Variants in TMEM135 observed in about 807,000 individuals in gnomAD.
TMEM135 encodes transmembrane protein 135.
A neutral mutation model predicts 60.3 loss-of-function variants in TMEM135; 30 were observed. The ratio of observed to expected loss-of-function variants is 0.50; its 90% CI spans 0.37 to 0.68. The LOEUF (loss-of-function observed/expected upper bound fraction) is 0.68, where lower values mean the gene tolerates loss of function less well. TMEM135 is among the 30% of genes least tolerant of loss of function. The pLI is 0.00. For synonymous variants in TMEM135, 190 were observed against 186.7 expected, an observed-to-expected ratio of 1.02 and a Z score of -0.14; for missense variants, 468 against 548.8, an observed-to-expected ratio of 0.85 and a Z score of 1.47.
At chr11:87,133,520 C>G (rs1937997266) in intron 4 of TMEM135, among the ~76,000 whole-genome samples, 1 of 152,004 alleles carries the variant, frequency 6.6e-6, no homozygotes, top group Non-Finnish European at 1.5e-5. Flanking sequence ...ACTCTTGATC[C>G]CTCTTTACAA....
chr11:87,302,380 A>C lies in TMEM135; in HGVS notation c.636A>C (p.Gln212His). 1 of 1,613,960 alleles carries C rather than the reference A, an allele frequency of 6.2e-7. No homozygotes were observed. The highest frequency in any genetic ancestry group is 8.5e-7 in the Non-Finnish European group (1 of 1,179,930). The change falls in exon 8 of 15, where the codon CAA (glutamine) becomes CAC (histidine). Residue 212 changes from glutamine (Q) to histidine (H), a missense_variant. Gln to His is a conservative substitution (Grantham distance 24). Coordinates refer to ENST00000305494, the MANE Select transcript of TMEM135 (RefSeq NM_022918.4). ...AYAKVEQKRE[Q>H]HEEKPGRMNM... Reference sequence around the variant, plus strand: ...CAAAAGTGGAACAAAAGAGAGAGCAACATGAGGAAAAACCCGGAAGAATGA... The same window carrying C: ...CAAAAGTGGAACAAAAGAGAGAGCACCATGAGGAAAAACCCGGAAGAATGA...
At chr11:87,063,550 C>A (rs1307130663) in intron 1 of TMEM135, among the ~76,000 whole-genome samples, 1 of 152,136 alleles carries the variant, frequency 6.6e-6, no homozygotes, top group Admixed American at 6.6e-5. Context: ...GCTTCCTAAC[C>A]TTTTTCATGC....
rs59945346 is a variant in TMEM135 at position 87,269,065 on chromosome 11, G to GTT, written c.510-26706_510-26705dup. Among the ~76,000 whole-genome samples, 42 of 145,232 alleles carry GTT rather than the reference G, an allele frequency of 2.9e-4. 1 individual carries two copies. In the South Asian group the frequency reaches 3.9e-3, roughly 13 times the overall value. ...TCAAAATCGCTTTTAAAAATGGCTA[G>GTT]TTTTTTTTTTTTGAAATACGCAATG... On this transcript the variant is annotated intron_variant, in intron 6 of 14. Coordinates refer to ENST00000305494, the MANE Select transcript of TMEM135 (RefSeq NM_022918.4).
chr11:87,180,341 G>A (rs1939484537), intron 5 of TMEM135, among the ~76,000 whole-genome samples: 1 of 152,118 alleles, frequency 6.6e-6, no homozygotes, highest in African/African-American at 2.4e-5. Flanking sequence ...ATATCTGTTA[G>A]TTTTTGCTTT....
At chr11:87,269,412 G>C (rs1351246668) in intron 6 of TMEM135, among the ~76,000 whole-genome samples, 1 of 148,052 alleles carries the variant, frequency 6.8e-6, no homozygotes, top group African/African-American at 2.5e-5. Context: ...AGTTACATAT[G>C]TATACATGTG....
At chr11:87,060,655 T>TG (rs1434509462) in intron 1 of TMEM135, among the ~76,000 whole-genome samples, 7 of 151,704 alleles carry the variant, frequency 4.6e-5, no homozygotes, top group Admixed American at 4.6e-4. Context: ...TCCTTTTTTT[T>TG]TTTTTGAGAC....
rs766068641 is a variant in TMEM135 at position 87,326,612 on chromosome 11, A to G, written c.*5279A>G. ...TTTTAAGCCTTATCTCTTTTCTCCT[A>G]TTCTTTTCTTTACCTTTCCTGGCCC... is the stretch of plus-strand genomic sequence containing the variant. On this transcript the variant is annotated 3_prime_UTR_variant, in exon 15 of 15. Coordinates refer to ENST00000305494, the MANE Select transcript of TMEM135 (RefSeq NM_022918.4). 37 of 453,938 alleles carry G rather than the reference A, an allele frequency of 8.2e-5. No homozygotes were observed. Among genetic ancestry groups the G allele is most frequent in the African/African-American group, 3.4e-4 (17 of 49,998 alleles). 28.1% of individuals were successfully genotyped at this position (453,938 alleles called of 1,614,324 possible). A position where few individuals can be genotyped will look rare whatever the true frequency, so the allele number is the denominator to read the frequency against.
At chr11:87,141,629 T>A (rs1206295262) in intron 4 of TMEM135, among the ~76,000 whole-genome samples, 1 of 152,152 alleles carries the variant, frequency 6.6e-6, no homozygotes, top group East Asian at 1.9e-4. Context: ...ATAGAAGTGG[T>A]GAGAGTGGCC....
chr11:87,137,504 A>G (rs1420068152), intron 4 of TMEM135, among the ~76,000 whole-genome samples: 1 of 152,174 alleles, frequency 6.6e-6, no homozygotes, highest in East Asian at 1.9e-4. Flanking sequence ...TCAAATTTAG[A>G]TATAATTCTT....
Position 87,172,938 on chromosome 11 carries a change from G to T in TMEM135, c.462+15532G>T, listed in dbSNP as rs143887988. ...ATGCACAAAGATACTTGATTATTCA[G>T]ATATTAAGATATATTTCCAACATTA... On this transcript the variant is annotated intron_variant, in intron 5 of 14. Transcript: ENST00000305494. Among the ~76,000 whole-genome samples the T allele has an allele frequency of 7.4e-3, 1,122 of 151,702 alleles. 9 individuals carry two copies. Among genetic ancestry groups the T allele is most frequent in the Non-Finnish European group, 0.012 (796 of 67,874 alleles).
intron 4 of TMEM135, among the ~76,000 whole-genome samples, chr11:87,144,209 AAC>A (rs1938342428): frequency 1.3e-5 from 2 of 152,196 alleles, no homozygotes; most frequent in South Asian, 4.2e-4. Context: ...TATTAAAAAA[AAC>A]AAACAGGTAA....
rs1298272090 is a variant in TMEM135 at position 87,325,908 on chromosome 11, T to C, written c.*4575T>C. The stretch of plus-strand genomic sequence containing the variant: ...CCATTTTTTTTCCATCTGTCCCTCC[T>C]ACGAATATGTTTTACATGAAATAAT... On this transcript the variant is annotated 3_prime_UTR_variant, in exon 15 of 15. Transcript: ENST00000305494. 2 of 453,900 alleles carry C rather than the reference T, an allele frequency of 4.4e-6. No individual in the cohort carries two copies. Among genetic ancestry groups the C allele is most frequent in the Non-Finnish European group, 8.8e-6 (2 of 226,776 alleles). 28.1% of individuals were successfully genotyped at this position (453,900 alleles called of 1,614,324 possible).
chr11:87,198,703 T>C (rs2135327317), intron 5 of TMEM135, among the ~76,000 whole-genome samples: 1 of 151,712 alleles, frequency 6.6e-6, no homozygotes, highest in East Asian at 1.9e-4. Context: ...CCTCCCTCTC[T>C]TTTCTTTTTT....
chr11:87,288,743 T>C (rs1419044945), intron 6 of TMEM135, among the ~76,000 whole-genome samples: 1 of 152,214 alleles, frequency 6.6e-6, no homozygotes, highest in Non-Finnish European at 1.5e-5. Flanking sequence ...ATGAGTAGCA[T>C]CTGTATCCTT....
chr11:87,267,842 C>T lies in TMEM135; in HGVS notation c.510-27940C>T, dbSNP rs1005672410. On this transcript the variant is annotated intron_variant, in intron 6 of 14. Transcript: ENST00000305494. Reference sequence around the variant, plus strand: ...CGAGTAGCTGGGATTACAGGTGCCACCACGACGCCTGGAGAATTTTTGTAT... The same window carrying T: ...CGAGTAGCTGGGATTACAGGTGCCATCACGACGCCTGGAGAATTTTTGTAT... Among the ~76,000 whole-genome samples the T allele has an allele frequency of 6.6e-5, 10 of 152,152 alleles. No individual in the cohort carries two copies. In the East Asian group the frequency reaches 1.9e-3, roughly 29 times the overall value.
Position 87,158,846 on chromosome 11 carries a change from A to G in TMEM135, c.462+1440A>G, listed in dbSNP as rs558026175. 2.0e-4 allele frequency among the ~76,000 whole-genome samples: 31 copies of G among 152,336 alleles called. No homozygotes were observed. The South Asian group carries it at 5.6e-3, about 27-fold the overall frequency. ...CCTTTGTATTCTCAAACATTGAAGT[A>G]TGTGGTGTCATTTTGAAAAAAGAAA... On this transcript the variant is annotated intron_variant, in intron 5 of 14. Transcript: ENST00000305494.
At chr11:87,097,962 T>C (rs373462039) in intron 4 of TMEM135, among the ~76,000 whole-genome samples, 1 of 152,320 alleles carries the variant, frequency 6.6e-6, no homozygotes, top group East Asian at 1.9e-4. Context: ...TTTTTGCTTA[T>C]TATTTTATTG....
intron 5 of TMEM135, among the ~76,000 whole-genome samples, chr11:87,222,248 G>A (rs1182813692): frequency 6.7e-6 from 1 of 148,980 alleles, no homozygotes. Context: ...TGTAATCCCA[G>A]CACTTTGGGT....
At chr11:87,073,098 C>T (rs574246568) in intron 3 of TMEM135, among the ~76,000 whole-genome samples, 4 of 152,198 alleles carry the variant, frequency 2.6e-5, no homozygotes, top group African/African-American at 9.6e-5. Flanking sequence ...TGCAGTTGTG[C>T]GATCTCAGCT....
Sources: allele counts gnomAD v4.1 joint callset (sites outside exome capture counted in the v4.1 genomes callset), GRCh38; gene constraint gnomAD v4.1.1; transcripts MANE v1.5; gene names NCBI Gene and HGNC (gene_info 2026-07-23, HGNC 2026-07-21).